The following KLRG1 variants were observed in gnomAD, a reference collection of about 807,000 sequenced individuals.
KLRG1 encodes killer cell lectin-like receptor subfamily G member 1.
In KLRG1, 16 loss-of-function variants were observed where a neutral mutation model predicts 21.8. That is an observed-to-expected ratio of 0.73 (90% CI 0.50 to 1.11). The LOEUF (loss-of-function observed/expected upper bound fraction) is 1.11, where lower values mean the gene tolerates loss of function less well. Ranked by LOEUF, KLRG1 falls within the 50% of genes most tolerant of loss-of-function variation. The probability of loss-of-function intolerance (pLI) is 0.00; values close to 1 mark genes in which losing one functional copy is unlikely to be tolerated. For missense variants in KLRG1, 173 were observed against 218.3 expected (o/e 0.79, Z 1.31); for synonymous variants, 69 against 75.9 (o/e 0.91, Z 0.47).
chr12:9,095,070 C>T, the KLRG1 span: 1 of 1,582,380 alleles, frequency 6.3e-7, no homozygotes, highest in South Asian at 1.2e-5. Flanking sequence ...TGGTGAATGC[C>T]TTTAAGCCCA....
chr12:9,015,582 C>T (rs1394268943), downstream of KLRG1, among the ~76,000 whole-genome samples: 2 of 152,184 alleles, frequency 1.3e-5, no homozygotes, highest in Non-Finnish European at 2.9e-5. Flanking sequence ...ACACCCCACT[C>T]TCAGCATTAG....
the KLRG1 span, among the ~76,000 whole-genome samples, chr12:9,081,680 A>G: frequency 1.3e-5 from 2 of 152,214 alleles, no homozygotes; most frequent in Non-Finnish European, 1.5e-5. Context: ...CCAGATAGAG[A>G]GGAGTTCCCT....
chr12:9,064,737 G>A, the KLRG1 span: 14 of 154,272 alleles, frequency 9.1e-5, no homozygotes, highest in African/African-American at 3.4e-4. The surrounding 1 kb of genome is among the most constrained non-coding windows in gnomAD (Gnocchi z 4.0). Flanking sequence ...TGGGTCCGGG[G>A]CGGAGCGGTG....
the KLRG1 span, chr12:9,115,556 G>T: frequency 2.0e-6 from 1 of 502,188 alleles, no homozygotes; most frequent in Non-Finnish European, 3.6e-6. Flanking sequence ...CCTTAGGAAG[G>T]CTTTGCATAT....
the KLRG1 span, among the ~76,000 whole-genome samples, chr12:9,051,641 G>A: frequency 2.0e-5 from 3 of 152,098 alleles, no homozygotes; most frequent in African/African-American, 7.2e-5. Flanking sequence ...GTCTGCATAC[G>A]GGAAAATCAA....
intron 1 of KLRG1, among the ~76,000 whole-genome samples, chr12:8,959,179 A>T (rs1946343651): frequency 6.6e-6 from 1 of 152,202 alleles, no homozygotes; most frequent in African/African-American, 2.4e-5. Context: ...GAATAGACAT[A>T]GTTGAACAAT....
chr12:9,107,053 T>C, the KLRG1 span, among the ~76,000 whole-genome samples: 1 of 152,232 alleles, frequency 6.6e-6, no homozygotes, highest in Non-Finnish European at 1.5e-5. Flanking sequence ...AAATACACAG[T>C]ACATCTGCTC....
At chr12:9,000,557 A>G (rs1245821824) in intron 3 of KLRG1, among the ~76,000 whole-genome samples, 1 of 152,136 alleles carries the variant, frequency 6.6e-6, no homozygotes, top group Non-Finnish European at 1.5e-5. Flanking sequence ...GTACCTCTTA[A>G]ACAATAACTC....
the KLRG1 span, among the ~76,000 whole-genome samples, chr12:9,063,340 G>C: frequency 5.9e-5 from 9 of 152,144 alleles, no homozygotes; most frequent in African/African-American, 2.2e-4. Context: ...GCCTGAAATG[G>C]GGGAATATAG....
intron 3 of KLRG1, among the ~76,000 whole-genome samples, chr12:9,008,772 T>C (rs917317127): frequency 6.6e-6 from 1 of 152,226 alleles, no homozygotes; most frequent in African/African-American, 2.4e-5. Flanking sequence ...CCAGCAGATT[T>C]CATCACATTA....
At chr12:9,110,331 G>T in the KLRG1 span, 1 of 1,436,836 alleles carries the variant, frequency 7.0e-7, no homozygotes, top group East Asian at 2.6e-5. Flanking sequence ...TATACTAGTG[G>T]AATCTGAAAG....
upstream of KLRG1, among the ~76,000 whole-genome samples, chr12:8,986,650 C>T (rs1435629629): frequency 6.6e-6 from 1 of 151,806 alleles, no homozygotes; most frequent in Non-Finnish European, 1.5e-5. Context: ...TGTACTTTCC[C>T]TGTCCTGGCC....
chr12:8,980,506 G>A (rs1344262398), intron 1 of KLRG1, among the ~76,000 whole-genome samples: 1 of 152,148 alleles, frequency 6.6e-6, no homozygotes, highest in Admixed American at 6.6e-5. Context: ...GTTTGAAACA[G>A]CAGTCACCTC....
At chr12:9,068,634 G>T in the KLRG1 span, 3 of 909,944 alleles carry the variant, frequency 3.3e-6, no homozygotes, top group South Asian at 1.5e-5. Flanking sequence ...AAAATGAAGT[G>T]ATAATGTAAT....
the KLRG1 span, among the ~76,000 whole-genome samples, chr12:9,078,377 T>A: frequency 1.3e-5 from 2 of 152,252 alleles, no homozygotes; most frequent in Non-Finnish European, 2.9e-5. Flanking sequence ...ATTTCATTTC[T>A]TTTTATTGCT....
chr12:9,161,062 T>A, the KLRG1 span: 1 of 1,603,238 alleles, frequency 6.2e-7, no homozygotes, highest in African/African-American at 1.3e-5. Context: ...TCTGGCAGAT[T>A]CTTTGACCAC....
At chr12:9,019,752 A>G in the KLRG1 span, among the ~76,000 whole-genome samples, 1 of 152,284 alleles carries the variant, frequency 6.6e-6, no homozygotes, top group Middle Eastern at 3.4e-3. Context: ...TCTTCCTTTA[A>G]AAAGAAAATA....
At chr12:9,136,623 T>C in the KLRG1 span, among the ~76,000 whole-genome samples, 1 of 152,206 alleles carries the variant, frequency 6.6e-6, no homozygotes, top group South Asian at 2.1e-4. Flanking sequence ...CCATAGCAGT[T>C]GCACCATTTT....
chr12:9,012,482 G>C (rs1565556393), downstream of KLRG1, among the ~76,000 whole-genome samples: 1 of 152,022 alleles, frequency 6.6e-6, no homozygotes, highest in Non-Finnish European at 1.5e-5. Flanking sequence ...CAGTACCCAG[G>C]CAGTGTTTGC....
Sources: allele counts gnomAD v4.1 joint callset (sites outside exome capture counted in the v4.1 genomes callset), GRCh38; gene constraint gnomAD v4.1.1; non-coding constraint Gnocchi (gnomAD v3.1); transcripts MANE v1.5; gene names NCBI Gene and HGNC (gene_info 2026-07-23, HGNC 2026-07-21).